Variants in TRIQK observed in about 807,000 individuals in gnomAD.
TRIQK encodes the protein triple QxxK/R motif-containing protein.
Under a neutral mutation model 10.8 loss-of-function variants are expected in TRIQK, and 10 were observed. The observed-to-expected ratio is 0.92, with a 90% confidence interval of 0.57 to 1.57. The LOEUF is 1.57. Ranked by LOEUF, TRIQK falls within the 40% of genes most tolerant of loss-of-function variation. TRIQK has a pLI of 0.00. For synonymous variants in TRIQK, 33 were observed against 33.7 expected (o/e 0.98, Z 0.07); for missense variants, 107 against 97.7 (o/e 1.09, Z -0.40).
intron 1 of TRIQK, among the ~76,000 whole-genome samples, chr8:92,978,275 C>G (rs79559352): frequency 0.14 from 21,222 of 152,094 alleles, 1,538 homozygotes; most frequent in East Asian, 0.18. Flanking sequence ...AACTTTGGCT[C>G]TAATCACAGG....
chr8:92,978,476 T>C (rs1040058657), intron 1 of TRIQK, among the ~76,000 whole-genome samples: 1 of 152,164 alleles, frequency 6.6e-6, no homozygotes, highest in Admixed American at 6.6e-5. Context: ...GCTCAATTTG[T>C]ATTCAAAAAT....
At chr8:92,906,022 C>G (rs1236468238) in intron 3 of TRIQK, among the ~76,000 whole-genome samples, 4 of 152,108 alleles carry the variant, frequency 2.6e-5, no homozygotes, top group African/African-American at 9.7e-5. Flanking sequence ...GTACATAGAT[C>G]TTTATCATAT....
intron 1 of TRIQK, among the ~76,000 whole-genome samples, chr8:92,961,265 C>T (rs762403873): frequency 2.3e-4 from 35 of 151,950 alleles, no homozygotes; most frequent in Non-Finnish European, 4.7e-4. Context: ...TTCCATTTAT[C>T]GATAAAGGGG....
chr8:93,000,052 T>C (rs553402034), intron 1 of TRIQK, among the ~76,000 whole-genome samples: 1 of 152,292 alleles, frequency 6.6e-6, no homozygotes, highest in Non-Finnish European at 1.5e-5. Flanking sequence ...TTCTCCGTGA[T>C]CTAAACACTA....
chr8:92,964,464 C>CTATATATA (rs71563502), intron 1 of TRIQK, among the ~76,000 whole-genome samples: 6 of 142,332 alleles, frequency 4.2e-5, no homozygotes, highest in African/African-American at 1.3e-4. Context: ...ATATATATAT[C>CTATATATA]TATATATATA....
intron 1 of TRIQK, among the ~76,000 whole-genome samples, chr8:93,011,162 G>A (rs965288261): frequency 1.4e-5 from 2 of 147,060 alleles, no homozygotes; most frequent in African/African-American, 5.1e-5. Context: ...ATGAATGTGT[G>A]TGTGTATACA....
At chr8:92,891,004 A>G (rs1469637970) in intron 4 of TRIQK, among the ~76,000 whole-genome samples, 1 of 151,890 alleles carries the variant, frequency 6.6e-6, no homozygotes, top group African/African-American at 2.4e-5. Flanking sequence ...TTTTTTTTCA[A>G]TAAAAACTGA....
chr8:92,917,932 T>C lies in TRIQK; in HGVS notation c.-21-922A>G, dbSNP rs957701392. On this transcript the variant is annotated intron_variant, in intron 2 of 4. Transcript: ENST00000521988. The stretch of plus-strand genomic sequence containing the variant: ...GCCATTATTCTACTCTCTACCTCCA[T>C]GAGATCCACTTTTTCAGCTCTCACA... Among the ~76,000 whole-genome samples the C allele has an allele frequency of 5.9e-5, 9 of 151,542 alleles. 1 individual carries two copies. Among genetic ancestry groups the C allele is most frequent in the Non-Finnish European group, 1.0e-4 (7 of 67,722 alleles).
At chr8:92,925,160 T>C (rs992867739) in intron 2 of TRIQK, among the ~76,000 whole-genome samples, 1 of 152,072 alleles carries the variant, frequency 6.6e-6, no homozygotes, top group Admixed American at 6.5e-5. Flanking sequence ...TATTAGGAAA[T>C]AGTGCTAGAA....
intron 3 of TRIQK, among the ~76,000 whole-genome samples, chr8:92,912,634 A>T (rs1216012462): frequency 6.6e-6 from 1 of 152,014 alleles, no homozygotes; most frequent in African/African-American, 2.4e-5. Context: ...CTCATCACAC[A>T]CGAAATAGCA....
upstream of TRIQK, among the ~76,000 whole-genome samples, chr8:92,969,745 G>C (rs1812854920): frequency 6.6e-6 from 1 of 151,590 alleles, no homozygotes; most frequent in Non-Finnish European, 1.5e-5. Flanking sequence ...CTCCAACTAT[G>C]CTTGTGCATT....
intron 1 of TRIQK, among the ~76,000 whole-genome samples, chr8:92,959,198 T>C (rs757619192): frequency 4.1e-4 from 62 of 152,052 alleles, no homozygotes; most frequent in Non-Finnish European, 7.2e-4. Flanking sequence ...GATCATAGGA[T>C]ACACAAGGTG....
chr8:92,910,929 C>T (rs1809535504), intron 3 of TRIQK, among the ~76,000 whole-genome samples: 1 of 151,076 alleles, frequency 6.6e-6, no homozygotes, highest in African/African-American at 2.4e-5. Context: ...ATAAAAAGTA[C>T]ACAATAGAGT....
intron 4 of TRIQK, among the ~76,000 whole-genome samples, chr8:92,889,996 G>A (rs868410184): frequency 6.6e-6 from 1 of 151,626 alleles, no homozygotes; most frequent in Non-Finnish European, 1.5e-5. Flanking sequence ...CAATATTATG[G>A]TCATTCTATA....
At position 92,886,592 on chromosome 8, in the gene TRIQK, T is replaced by C. The variant is rs1321017368; in HGVS notation, c.*30A>G. ...CCCAAAAGGTGCTTTCGTAAAGTTA[T>C]TTCTCTTTCATGCATTGATTGTTGC... On this transcript the variant is annotated 3_prime_UTR_variant, in exon 5 of 5. Transcript: ENST00000521988. 2.9e-6 allele frequency: 4 copies of C among 1,389,656 alleles called. No individual in the cohort carries two copies. In the African/African-American group the frequency reaches 4.4e-5, roughly 15 times the overall value. 86.1% of individuals were successfully genotyped at this position (1,389,656 alleles called of 1,614,324 possible).
chr8:92,979,698 T>C (rs1319548722), intron 1 of TRIQK, among the ~76,000 whole-genome samples: 2 of 152,106 alleles, frequency 1.3e-5, no homozygotes, highest in Non-Finnish European at 2.9e-5. Context: ...TATAGTTTTA[T>C]AGTTTTCTTA....
At chr8:92,941,534 T>A (rs1020345527) in intron 2 of TRIQK, among the ~76,000 whole-genome samples, 1 of 151,774 alleles carries the variant, frequency 6.6e-6, no homozygotes, top group Non-Finnish European at 1.5e-5. Flanking sequence ...CTCAAGGAAC[T>A]AGAAAAATGA....
At chr8:92,975,610 T>G (rs1451371192) in intron 1 of TRIQK, among the ~76,000 whole-genome samples, 2 of 152,114 alleles carry the variant, frequency 1.3e-5, no homozygotes, top group East Asian at 3.9e-4. Context: ...TTTATTACCT[T>G]TCTTAAAGAA....
At position 92,938,129 on chromosome 8, in the gene TRIQK, A is replaced by T. The variant is rs561065104; in HGVS notation, c.-22+16277T>A. Among the ~76,000 whole-genome samples the T allele has an allele frequency of 2.1e-3, 325 of 152,138 alleles. 4 individuals are homozygous for T. The highest frequency in any genetic ancestry group is 7.6e-3 in the African/African-American group (316 of 41,548). ...TGAAGAATATTTTTCTTCAAATAGA[A>T]TTCTAGGGTTCTAGGGTCACAACTA... On this transcript the variant is annotated intron_variant, in intron 2 of 4. Coordinates refer to ENST00000521988, the MANE Select transcript of TRIQK (RefSeq NM_001171797.2).
Sources: gnomAD v4.1 joint callset for allele counts (sites outside exome capture counted in the v4.1 genomes callset) on GRCh38, gnomAD v4.1.1 for gene constraint, MANE v1.5 for transcripts, NCBI Gene and HGNC (gene_info 2026-07-23, HGNC 2026-07-21) for gene names.